Variants in ROBO2 observed in about 807,000 individuals in gnomAD.
ROBO2 encodes the protein roundabout homolog 2.
In ROBO2, 53 loss-of-function variants were observed where a neutral mutation model predicts 160.8. That is an observed-to-expected ratio of 0.33 (90% CI 0.26 to 0.41). ROBO2 has a LOEUF of 0.41. Among genes scored for constraint, ROBO2 ranks in the 10% least tolerant of loss-of-function variants. ROBO2 has a pLI of 1.00. For synonymous variants in ROBO2, 664 were observed against 611.7 expected (o/e 1.09, Z -1.26); for missense variants, 1,577 against 1,722.4 (o/e 0.92, Z 1.49).
rs550534510 is a variant in ROBO2 at position 77,120,787 on chromosome 3, T to C, written c.388+22447T>C. On this transcript the variant is annotated intron_variant, in intron 2 of 25. Transcript: ENST00000461745. ...AAAAAGCAACTGAGCAGCTTTATAC[T>C]GAGCAGAACAGGGAACTTAAACAGG... 9.6e-4 allele frequency among the ~76,000 whole-genome samples: 146 copies of C among 152,290 alleles called. No individual in the cohort carries two copies. In the Middle Eastern group the frequency reaches 0.014, roughly 14 times the overall value.
intron 3 of ROBO2, among the ~76,000 whole-genome samples, chr3:77,478,105 G>A (rs771242315): frequency 6.6e-6 from 1 of 152,028 alleles, no homozygotes; most frequent in Admixed American, 6.6e-5. Context: ...GATTACAGGC[G>A]TGAGCCACCA....
Position 76,907,519 on chromosome 3 carries a change from A to G in ROBO2, c.110-190495A>G, listed in dbSNP as rs551687486. ...TTCTTTCTCTCTCTTCTTGTATCCAACAGCAGATATATGTAACCAAGCTTA... is the reference window on the plus strand; with the variant it reads ...TTCTTTCTCTCTCTTCTTGTATCCAGCAGCAGATATATGTAACCAAGCTTA... On this transcript the variant is annotated intron_variant, in intron 2 of 26. Coordinates refer to the ROBO2 transcript ENST00000487694. 2.6e-5 allele frequency among the ~76,000 whole-genome samples: 4 copies of G among 152,214 alleles called. No homozygotes were observed. In the South Asian group the frequency reaches 6.2e-4, roughly 24 times the overall value.
chr3:76,276,535 A>T (rs1407290538), intron 2 of ROBO2, among the ~76,000 whole-genome samples: 1 of 152,034 alleles, frequency 6.6e-6, no homozygotes, highest in Non-Finnish European at 1.5e-5. Context: ...CATATTCTAA[A>T]CGTTTCCATA....
At chr3:75,926,243 T>G (rs1947287220) in intron 1 of ROBO2, among the ~76,000 whole-genome samples, 1 of 152,168 alleles carries the variant, frequency 6.6e-6, no homozygotes, top group African/African-American at 2.4e-5. Flanking sequence ...ACAGCATTAT[T>G]TATTTAAATT....
intron 2 of ROBO2, among the ~76,000 whole-genome samples, chr3:76,506,257 T>C (rs2080791386): frequency 6.6e-6 from 1 of 152,148 alleles, no homozygotes; most frequent in African/African-American, 2.4e-5. Context: ...GATTCTGGAG[T>C]CTGGGAAGTC....
intron 8 of ROBO2, among the ~76,000 whole-genome samples, chr3:77,556,272 C>A (rs1215077015): frequency 6.6e-6 from 1 of 151,748 alleles, no homozygotes; most frequent in Non-Finnish European, 1.5e-5. Flanking sequence ...AGAATTATTA[C>A]AATATTCTAC....
intron 2 of ROBO2, among the ~76,000 whole-genome samples, chr3:76,539,705 C>A (rs1413180876): frequency 6.6e-6 from 1 of 152,092 alleles, no homozygotes; most frequent in Non-Finnish European, 1.5e-5. Context: ...TTGCCTATTC[C>A]CATTCTTCTT....
At chr3:77,048,048 A>G (rs1013332924) in intron 1 of ROBO2, among the ~76,000 whole-genome samples, 52 of 152,006 alleles carry the variant, frequency 3.4e-4, no homozygotes, top group Admixed American at 3.3e-3. Flanking sequence ...CTCCGTCTCA[A>G]AAAAAAAGAT....
intron 2 of ROBO2, among the ~76,000 whole-genome samples, chr3:75,988,453 A>AT (rs924311522): frequency 2.0e-5 from 3 of 151,580 alleles, no homozygotes; most frequent in Non-Finnish European, 3.0e-5. Context: ...TTTCACATTG[A>AT]TTTTTTTTGA....
At chr3:76,192,339 T>G (rs1317813626) in intron 2 of ROBO2, among the ~76,000 whole-genome samples, 1 of 152,196 alleles carries the variant, frequency 6.6e-6, no homozygotes, top group East Asian at 1.9e-4. Flanking sequence ...CTAAAGTTAC[T>G]ATTCCCATCC....
chr3:76,261,587 C>A (rs954937895), intron 2 of ROBO2, among the ~76,000 whole-genome samples: 1 of 151,822 alleles, frequency 6.6e-6, no homozygotes, highest in African/African-American at 2.4e-5. Flanking sequence ...AATTTAAAAT[C>A]TATTTAATCA....
At chr3:76,945,528 C>T (rs1309995128) in intron 2 of ROBO2, among the ~76,000 whole-genome samples, 1 of 152,182 alleles carries the variant, frequency 6.6e-6, no homozygotes, top group Admixed American at 6.5e-5. Context: ...TTCTTCCCCA[C>T]CCCAAACACA....
At chr3:76,500,780 C>T (rs867159831) in intron 2 of ROBO2, among the ~76,000 whole-genome samples, 12 of 152,072 alleles carry the variant, frequency 7.9e-5, no homozygotes, top group Admixed American at 4.6e-4. Flanking sequence ...GGTGATTTCG[C>T]GGTTCAAAAT....
At chr3:76,981,122 C>T (rs1040918955) in intron 2 of ROBO2, among the ~76,000 whole-genome samples, 2 of 152,148 alleles carry the variant, frequency 1.3e-5, no homozygotes, top group African/African-American at 4.8e-5. Flanking sequence ...CACATTTAGA[C>T]TATTATGAAC....
intron 2 of ROBO2, among the ~76,000 whole-genome samples, chr3:76,247,249 C>T (rs1705675736): frequency 6.6e-6 from 1 of 151,922 alleles, no homozygotes. Flanking sequence ...TGAGTTAGTG[C>T]CACTTCACTT....
intron 2 of ROBO2, among the ~76,000 whole-genome samples, chr3:76,274,343 GT>G (rs1231211679): frequency 6.7e-6 from 1 of 148,408 alleles, no homozygotes; most frequent in Non-Finnish European, 1.5e-5. Context: ...AAAACTTAAA[GT>G]ATAATTAAAA....
At chr3:76,226,573 A>C (rs1452856606) in intron 2 of ROBO2, among the ~76,000 whole-genome samples, 1 of 152,216 alleles carries the variant, frequency 6.6e-6, no homozygotes, top group African/African-American at 2.4e-5. Context: ...AGTTTTTAAC[A>C]AATCAATTAT....
chr3:75,941,622 A>G (rs1948058712), intron 2 of ROBO2, among the ~76,000 whole-genome samples: 1 of 152,170 alleles, frequency 6.6e-6, no homozygotes. Context: ...AGGAAACTTA[A>G]ATTTTGAGGA....
intron 2 of ROBO2, among the ~76,000 whole-genome samples, chr3:77,030,826 C>G (rs1337411917): frequency 6.6e-6 from 1 of 152,192 alleles, no homozygotes; most frequent in Non-Finnish European, 1.5e-5. Context: ...TGGATTATAT[C>G]TGCAAAACCC....
Sources: gnomAD v4.1 joint callset for allele counts (sites outside exome capture counted in the v4.1 genomes callset) on GRCh38, gnomAD v4.1.1 for gene constraint, MANE v1.5 for transcripts, NCBI Gene and HGNC (gene_info 2026-07-23, HGNC 2026-07-21) for gene names.